CNDP1: variants seen among roughly 807,000 people sequenced by gnomAD.
The protein encoded by CNDP1 is beta-Ala-His dipeptidase.
A neutral mutation model predicts 58.1 loss-of-function variants in CNDP1; 44 were observed. The observed-to-expected ratio is 0.76, with a 90% CI of 0.60 to 0.97. The LOEUF (loss-of-function observed/expected upper bound fraction) is 0.97, where lower values mean the gene tolerates loss of function less well. Ranked by LOEUF, CNDP1 falls within the 50% of genes least tolerant of loss-of-function variation. The probability of loss-of-function intolerance (pLI) is 0.00; values close to 1 mark genes in which losing one functional copy is unlikely to be tolerated. For synonymous variants in CNDP1, 254 were observed against 252.6 expected (o/e 1.01, Z -0.05); for missense variants, 616 against 655.1 (o/e 0.94, Z 0.65).
chr18:74,534,906 TAAC>T (rs889562432), intron 1 of CNDP1, among the ~76,000 whole-genome samples: 7 of 152,252 alleles, frequency 4.6e-5, no homozygotes, highest in African/African-American at 1.2e-4. Flanking sequence ...TGTGTGTTCT[TAAC>T]AATAATTAAA....
At chr18:74,561,113 C>A in intron 4 of CNDP1, 95 bp downstream of exon 4, 1 of 1,484,170 alleles carries the variant, frequency 6.7e-7, no homozygotes, top group Non-Finnish European at 9.1e-7. Flanking sequence ...TGGGTCTCTC[C>A]CTGTCATTAA....
intron 7 of CNDP1, among the ~76,000 whole-genome samples, chr18:74,573,450 A>G (rs796473292): frequency 5.5e-5 from 6 of 108,120 alleles, no homozygotes; most frequent in African/African-American, 2.2e-4. Context: ...CTATGTATCT[A>G]TGTATCTATC....
chr18:74,556,585 G>A (rs1981047995), intron 2 of CNDP1, 119 bp downstream of exon 2: 2 of 1,099,250 alleles, frequency 1.8e-6, no homozygotes, highest in South Asian at 1.3e-5. Flanking sequence ...CATTTAAAAT[G>A]CCTATGACTG....
At chr18:74,583,508 C>CT (rs1981836516) in intron 10 of CNDP1, 53 bp from the exon 11 acceptor site, 1 of 1,515,656 alleles carries the variant, frequency 6.6e-7, no homozygotes, top group Admixed American at 1.7e-5. Context: ...GAGGAGCTTC[C>CT]TGGGGGTGTT....
At chr18:74,564,986 T>C (rs1415428094) in intron 5 of CNDP1, among the ~76,000 whole-genome samples, 1 of 152,048 alleles carries the variant, frequency 6.6e-6, no homozygotes, top group Non-Finnish European at 1.5e-5. Context: ...GAAAAAGAGG[T>C]TTAATTGGAC....
chr18:74,548,130 G>A (rs1247045813), intron 1 of CNDP1, among the ~76,000 whole-genome samples: 21 of 152,124 alleles, frequency 1.4e-4, no homozygotes, highest in Admixed American at 1.4e-3. Flanking sequence ...TTTTTGCAAG[G>A]TCAAAAGCCA....
intron 5 of CNDP1, among the ~76,000 whole-genome samples, chr18:74,565,129 G>A (rs941943833): frequency 1.3e-5 from 2 of 152,190 alleles, no homozygotes; most frequent in Admixed American, 6.5e-5. Context: ...TAGATCTCAT[G>A]AGACTTATTC....
intron 1 of CNDP1, among the ~76,000 whole-genome samples, chr18:74,551,002 T>C (rs1043994742): frequency 1.3e-5 from 2 of 152,156 alleles, no homozygotes; most frequent in African/African-American, 4.8e-5. Flanking sequence ...CATGTCGAAA[T>C]GTAATCCTCA....
At chr18:74,557,878 A>G (rs533611396) in intron 2 of CNDP1, among the ~76,000 whole-genome samples, 1 of 152,364 alleles carries the variant, frequency 6.6e-6, no homozygotes, top group African/African-American at 2.4e-5. Flanking sequence ...TTACTGAAAT[A>G]TTAACTAGGC....
At chr18:74,583,860 C>A in intron 11 of CNDP1, 152 bp downstream of exon 11, 1 of 757,444 alleles carries the variant, frequency 1.3e-6, no homozygotes, top group Non-Finnish European at 2.1e-6. Flanking sequence ...CCTCACAGTT[C>A]TGGAGCCTGG....
rs1981687924 is a variant in CNDP1 at position 74,578,338 on chromosome 18, CT to C, written c.1167+13del. 6.3e-7 allele frequency: 1 copy of C among 1,593,786 alleles called. No homozygotes were observed. Reference sequence around the variant, plus strand: ...GCGGTGGAAAAACAGGTAACAAATGCTTATTGTGACAATAACATGTTTCAGT... The same window carrying C: ...GCGGTGGAAAAACAGGTAACAAATGCTATTGTGACAATAACATGTTTCAGT... On this transcript the variant is annotated intron_variant, in intron 9 of 11. Transcript: ENST00000358821.
chr18:74,539,178 C>A (rs368458553), intron 1 of CNDP1, among the ~76,000 whole-genome samples: 1 of 143,242 alleles, frequency 7.0e-6, no homozygotes, highest in Non-Finnish European at 1.5e-5. Flanking sequence ...TCCCTCATCT[C>A]AAAAAAAAAA....
intron 1 of CNDP1, among the ~76,000 whole-genome samples, chr18:74,538,190 T>G (rs1980530181): frequency 6.6e-6 from 1 of 152,220 alleles, no homozygotes; most frequent in Non-Finnish European, 1.5e-5. Context: ...ACCCTCCTAT[T>G]CGCCCCTCCC....
At chr18:74,555,769 C>T (rs528184304) in intron 1 of CNDP1, among the ~76,000 whole-genome samples, 6 of 152,190 alleles carry the variant, frequency 3.9e-5, no homozygotes, top group South Asian at 2.1e-4. Context: ...TCAAGTGATC[C>T]GCCCACCTCG....
chr18:74,538,692 A>T (rs1416156720), intron 1 of CNDP1, among the ~76,000 whole-genome samples: 1 of 152,018 alleles, frequency 6.6e-6, no homozygotes, highest in Non-Finnish European at 1.5e-5. Flanking sequence ...ACATCCTCAA[A>T]ACACTTGTTA....
chr18:74,576,987 C>A lies in CNDP1; in HGVS notation c.960C>A (p.Tyr320Ter), dbSNP rs1194391525. The A allele has an allele frequency of 6.2e-7, 1 of 1,612,906 alleles. No homozygotes were observed. Among genetic ancestry groups the A allele is most frequent in the East Asian group, 2.2e-5 (1 of 44,858 alleles). ...YKAIHLDLEEYRNSSRVEKFL... is the reference protein window; with the variant it reads ...YKAIHLDLEE ...CCATCCATCTAGACCTAGAAGAATA[C>A]CGGAATAGCAGCCGGGTTGAGAAAT... The change falls in exon 8 of 12, where the codon TAC becomes TAA. Residue 320 changes from tyrosine to a stop codon, truncating the protein, a stop_gained. Transcript: ENST00000358821. LOFTEE classifies it high-confidence loss of function.
rs758746601 is a variant in CNDP1, at chr18:74,580,187, G to A, written c.1225G>A (p.Val409Ile). ...SKRNSSNKMV[V>I]SMTLGLHPWI... Reference sequence around the variant, plus strand: ...AAGAAATAGTTCCAACAAGATGGTTGTTTCCATGACTCTAGGACTACACCC... The same window carrying A: ...AAGAAATAGTTCCAACAAGATGGTTATTTCCATGACTCTAGGACTACACCC... The change falls in exon 10 of 12, where the codon GTT (valine) becomes ATT (isoleucine). Residue 409 changes from valine (V) to isoleucine (I), a missense_variant. Coordinates refer to ENST00000358821, the MANE Select transcript of CNDP1 (RefSeq NM_032649.6). The A allele has an allele frequency of 6.2e-7, 1 of 1,613,978 alleles. No individual in the cohort carries two copies. Among genetic ancestry groups the A allele is most frequent in the East Asian group, 2.2e-5 (1 of 44,876 alleles).
At chr18:74,549,883 C>T (rs1035034048) in intron 1 of CNDP1, among the ~76,000 whole-genome samples, 3 of 152,206 alleles carry the variant, frequency 2.0e-5, no homozygotes, top group Non-Finnish European at 2.9e-5. Context: ...GCCACTGCTT[C>T]AGAACATGCA....
rs970675465 is a variant in CNDP1, at chr18:74,568,443, G to A, written c.756+1010G>A. On this transcript the variant is annotated intron_variant, in intron 6 of 11. Coordinates refer to ENST00000358821, the MANE Select transcript of CNDP1 (RefSeq NM_032649.6). The stretch of plus-strand genomic sequence containing the variant: ...AAGCAGGGACTGTCCTCTAGAACCC[G>A]CTTTCAAGAAACATGGCTGTGAAAA... Among the ~76,000 whole-genome samples the A allele has an allele frequency of 1.1e-4, 17 of 152,172 alleles. 1 individual carries two copies. The highest frequency in any genetic ancestry group is 3.4e-4 in the African/African-American group (14 of 41,432).
Sources: gnomAD v4.1 joint callset for allele counts (sites outside exome capture counted in the v4.1 genomes callset) on GRCh38, gnomAD v4.1.1 for gene constraint, MANE v1.5 for transcripts, NCBI Gene and HGNC (gene_info 2026-07-23, HGNC 2026-07-21) for gene names.